The following LARGE1 variants were observed in gnomAD, a reference collection of about 807,000 sequenced individuals.
The protein encoded by LARGE1 is LARGE xylosyl- and glucuronyltransferase 1.
Under a neutral mutation model 87.6 loss-of-function variants are expected in LARGE1, and 43 were observed. The ratio of observed to expected loss-of-function variants is 0.49; its 90% CI spans 0.38 to 0.63. The LOEUF (loss-of-function observed/expected upper bound fraction) is 0.63, where lower values mean the gene tolerates loss of function less well. Ranked by LOEUF, LARGE1 falls within the 30% of genes least tolerant of loss-of-function variation. The pLI is 0.00. For missense variants in LARGE1, 802 were observed against 1,000.2 expected (o/e 0.80, Z 2.67); for synonymous variants, 434 against 394.6 (o/e 1.10, Z -1.18).
chr22:33,390,654 C>T (rs1224093887), intron 7 of LARGE1, among the ~76,000 whole-genome samples: 10 of 151,264 alleles, frequency 6.6e-5, no homozygotes, highest in African/African-American at 9.7e-5. Context: ...CTTGGCATGC[C>T]AAACCAGAGG....
intron 7 of LARGE1, among the ~76,000 whole-genome samples, chr22:33,400,424 G>A (rs1250621365): frequency 2.0e-5 from 3 of 152,136 alleles, no homozygotes; most frequent in Admixed American, 6.5e-5. Context: ...GACACCCCAT[G>A]GGCTATATAC....
chr22:33,706,963 T>C (rs145864585), intron 2 of LARGE1, among the ~76,000 whole-genome samples: 1 of 152,318 alleles, frequency 6.6e-6, no homozygotes, highest in East Asian at 1.9e-4. Context: ...CCACTAAGTG[T>C]ATGGTGATTT....
At chr22:33,123,805 G>A in the LARGE1 span, among the ~76,000 whole-genome samples, 2 of 152,194 alleles carry the variant, frequency 1.3e-5, no homozygotes, top group Non-Finnish European at 2.9e-5. Flanking sequence ...ACAACTGTCT[G>A]CAGGAGCCAA....
At chr22:33,566,437 A>T (rs1569275293) in intron 5 of LARGE1, among the ~76,000 whole-genome samples, 1 of 152,254 alleles carries the variant, frequency 6.6e-6, no homozygotes. Flanking sequence ...GAAGAAAAAA[A>T]TAGCAGCAAG....
At chr22:33,177,457 C>T (rs1052123050) in intron 11 of LARGE1, among the ~76,000 whole-genome samples, 1 of 151,658 alleles carries the variant, frequency 6.6e-6, no homozygotes, top group South Asian at 2.1e-4. Flanking sequence ...CAAAATCTAC[C>T]CTCTAAATCT....
chr22:33,647,527 G>A (rs946806747), intron 3 of LARGE1, among the ~76,000 whole-genome samples: 2 of 152,144 alleles, frequency 1.3e-5, no homozygotes, highest in Admixed American at 1.3e-4. Context: ...TGTCAATCAA[G>A]CAGGCTGGGG....
At chr22:33,597,606 CCA>C (rs2079013469) in intron 5 of LARGE1, among the ~76,000 whole-genome samples, 2 of 152,220 alleles carry the variant, frequency 1.3e-5, no homozygotes. Flanking sequence ...TTTTCTGCAG[CCA>C]CAGTCCTGAA....
chr22:33,312,698 C>T (rs1195888594), intron 11 of LARGE1, among the ~76,000 whole-genome samples: 1 of 152,162 alleles, frequency 6.6e-6, no homozygotes, highest in Non-Finnish European at 1.5e-5. Context: ...GAGAAATGGG[C>T]ACCTGGCTTT....
intron 6 of LARGE1, among the ~76,000 whole-genome samples, chr22:33,445,386 T>C (rs1449407956): frequency 6.6e-6 from 1 of 152,142 alleles, no homozygotes; most frequent in Non-Finnish European, 1.5e-5. Context: ...AGGTCCAGAA[T>C]GCTGAAAGGT....
At chr22:33,522,451 G>GGGAGGT (rs914132878) in intron 6 of LARGE1, among the ~76,000 whole-genome samples, 25 of 152,280 alleles carry the variant, frequency 1.6e-4, no homozygotes, top group African/African-American at 6.0e-4. Context: ...CCAGCACTGT[G>GGGAGGT]GGAGGTGGAG....
At chr22:33,886,987 T>A (rs1161192801) in intron 1 of LARGE1, among the ~76,000 whole-genome samples, 1 of 152,004 alleles carries the variant, frequency 6.6e-6, no homozygotes, top group Non-Finnish European at 1.5e-5. Context: ...GAAGGCAAGT[T>A]TTGGTCTGGG....
At chr22:33,858,018 C>T (rs536205542) in intron 1 of LARGE1, among the ~76,000 whole-genome samples, 130 of 152,264 alleles carry the variant, frequency 8.5e-4, no homozygotes, top group African/African-American at 2.9e-3. Context: ...ACCTGGGGTT[C>T]TTGGCCTCAC....
Position 33,629,277 on chromosome 22 carries a change from C to T in LARGE1, c.409-2951G>A, listed in dbSNP as rs186334785. 3.8e-3 allele frequency among the ~76,000 whole-genome samples: 580 copies of T among 152,244 alleles called. 6 individuals are homozygous for T. Among genetic ancestry groups the T allele is most frequent in the Admixed American group, 7.7e-3 (118 of 15,288 alleles). ...AAGGGGATGAGAATGGGGAAAAACACGCTGAATCAGGCTCTTCAGAATCGC... is the reference window on the plus strand; with the variant it reads ...AAGGGGATGAGAATGGGGAAAAACATGCTGAATCAGGCTCTTCAGAATCGC... On this transcript the variant is annotated intron_variant, in intron 3 of 14. Coordinates refer to ENST00000397394, the MANE Select transcript of LARGE1 (RefSeq NM_133642.5).
chr22:33,480,271 C>A (rs771446381), intron 6 of LARGE1, among the ~76,000 whole-genome samples: 1 of 152,200 alleles, frequency 6.6e-6, no homozygotes, highest in Non-Finnish European at 1.5e-5. Flanking sequence ...CAGAGAGTGA[C>A]AGTATCAATT....
At chr22:33,149,746 C>A in the LARGE1 span, among the ~76,000 whole-genome samples, 1 of 152,170 alleles carries the variant, frequency 6.6e-6, no homozygotes, top group Non-Finnish European at 1.5e-5. Flanking sequence ...TGGCAAAATT[C>A]AGCTCCTTAT....
chr22:33,285,052 T>C (rs1332227597), intron 12 of LARGE1, among the ~76,000 whole-genome samples: 1 of 152,218 alleles, frequency 6.6e-6, no homozygotes, highest in African/African-American at 2.4e-5. Flanking sequence ...TACTGCCACT[T>C]GGCACACCTG....
At chr22:33,098,203 G>T in the LARGE1 span, among the ~76,000 whole-genome samples, 2 of 152,152 alleles carry the variant, frequency 1.3e-5, no homozygotes, top group African/African-American at 4.8e-5. Flanking sequence ...AGCTACTTTG[G>T]TGGCTGAGGT....
chr22:33,102,006 G>T, the LARGE1 span, among the ~76,000 whole-genome samples: 1 of 152,002 alleles, frequency 6.6e-6, no homozygotes, highest in African/African-American at 2.4e-5. Context: ...TACCTGAAAT[G>T]AAATCTGTGA....
intron 6 of LARGE1, among the ~76,000 whole-genome samples, chr22:33,546,872 C>T (rs1025243561): frequency 2.0e-5 from 3 of 152,098 alleles, no homozygotes; most frequent in Non-Finnish European, 2.9e-5. Flanking sequence ...GCGTGAACCA[C>T]CGCACCTGGC....
Sources: gnomAD v4.1 joint callset for allele counts (sites outside exome capture counted in the v4.1 genomes callset) on GRCh38, gnomAD v4.1.1 for gene constraint, MANE v1.5 for transcripts, NCBI Gene and HGNC (gene_info 2026-07-23, HGNC 2026-07-21) for gene names.